Variants in OSBPL6 observed in about 807,000 individuals in gnomAD.
OSBPL6 encodes the protein oxysterol binding protein like 6, also known as oxysterol-binding protein-related protein 6.
Under a neutral mutation model 125.8 loss-of-function variants are expected in OSBPL6, and 49 were observed. That is an observed-to-expected ratio of 0.39 (90% confidence interval 0.31 to 0.49). The LOEUF is 0.49. Among genes scored for constraint, OSBPL6 ranks in the 20% least tolerant of loss-of-function variants. The pLI, the probability that OSBPL6 is intolerant of heterozygous loss-of-function variation, is 0.88. For synonymous variants in OSBPL6, 394 were observed against 391.8 expected, an observed-to-expected ratio of 1.01 and a Z score of -0.07; for missense variants, 986 against 1,135.4, an observed-to-expected ratio of 0.87 and a Z score of 1.89.
At chr2:178,303,953 G>A (rs1686521949) in intron 2 of OSBPL6, among the ~76,000 whole-genome samples, 1 of 152,064 alleles carries the variant, frequency 6.6e-6, no homozygotes, top group Admixed American at 6.6e-5. Context: ...ACGTCTCGAT[G>A]GCTTCTCATG....
chr2:178,314,074 G>T (rs889187975), intron 3 of OSBPL6, among the ~76,000 whole-genome samples: 1 of 152,200 alleles, frequency 6.6e-6, no homozygotes, highest in African/African-American at 2.4e-5. Context: ...ATTGGAATGT[G>T]TCTCCTCCGA....
At chr2:178,355,937 G>A (rs1357228122) in intron 12 of OSBPL6, among the ~76,000 whole-genome samples, 1 of 152,192 alleles carries the variant, frequency 6.6e-6, no homozygotes, top group Non-Finnish European at 1.5e-5. Context: ...TTCAACATAT[G>A]CAAATCAATA....
chr2:178,227,577 A>G (rs947938956), intron 1 of OSBPL6, among the ~76,000 whole-genome samples: 18 of 152,322 alleles, frequency 1.2e-4, no homozygotes, highest in African/African-American at 4.3e-4. Flanking sequence ...TGGTTGGATA[A>G]ACTGTGGTAT....
At chr2:178,311,978 C>CAAATTAAATTG (rs375194527) in intron 3 of OSBPL6, among the ~76,000 whole-genome samples, 1 of 152,046 alleles carries the variant, frequency 6.6e-6, no homozygotes, top group Non-Finnish European at 1.5e-5. Context: ...GAAATGGCGT[C>CAAATTAAATTG]AAATTAAATT....
chr2:178,337,949 C>CTTTTTTTTTTTTTTTTTTTTTTTTT (rs755944128), intron 9 of OSBPL6, among the ~76,000 whole-genome samples: 1 of 139,150 alleles, frequency 7.2e-6, no homozygotes. Context: ...TCAGTATTCT[C>CTTTTTTTTTTTTTTTTTTTTTTTTT]TTTTTTTTTT....
Position 178,200,871 on chromosome 2 carries a change from G to C in OSBPL6, c.-351+6197G>C, listed in dbSNP as rs143992106. Among the ~76,000 whole-genome samples the C allele has an allele frequency of 3.7e-3, 565 of 151,682 alleles. 7 individuals are homozygous for C. Among genetic ancestry groups the C allele is most frequent in the African/African-American group, 0.012 (512 of 41,328 alleles). On this transcript the variant is annotated intron_variant, in intron 1 of 24. Transcript: ENST00000190611. ...AGTGCAGTGGCGCGATCTCGGCTCA[G>C]TGCAAGCTCTGCCTCCCAGGTTCAC...
chr2:178,202,479 T>C (rs2089304593), intron 1 of OSBPL6, among the ~76,000 whole-genome samples: 1 of 152,234 alleles, frequency 6.6e-6, no homozygotes, highest in South Asian at 2.1e-4. Flanking sequence ...AGAAATCTAT[T>C]ATCCTTATCT....
chr2:178,383,930 A>C (rs1209295502), intron 17 of OSBPL6, 109 bp from the exon 18 acceptor site: 1 of 1,264,686 alleles, frequency 7.9e-7, no homozygotes, highest in African/African-American at 1.5e-5. Context: ...AACTGTCATC[A>C]AATCAACACC....
intron 2 of OSBPL6, among the ~76,000 whole-genome samples, chr2:178,291,303 C>T (rs1051853886): frequency 6.6e-5 from 10 of 152,124 alleles, no homozygotes; most frequent in African/African-American, 2.4e-4. Flanking sequence ...GCATCATACG[C>T]AGGTGTTCCA....
chr2:178,242,100 C>T (rs569024984), intron 1 of OSBPL6, among the ~76,000 whole-genome samples: 33 of 152,254 alleles, frequency 2.2e-4, no homozygotes, highest in African/African-American at 7.0e-4. Flanking sequence ...CAGAACATAT[C>T]CTTTTCACTA....
chr2:178,311,976 G>A lies in OSBPL6; in HGVS notation c.102+5690G>A, dbSNP rs138883918. On this transcript the variant is annotated intron_variant, in intron 3 of 24. Transcript: ENST00000190611. Reference sequence around the variant, plus strand: ...TTTTATTTAATTAAATTGAAATGGCGTCAAATTAAATTGAAATTAAATTGA... The same window carrying A: ...TTTTATTTAATTAAATTGAAATGGCATCAAATTAAATTGAAATTAAATTGA... Among the ~76,000 whole-genome samples, 1,145 of 152,170 alleles carry A rather than the reference G, an allele frequency of 7.5e-3. 12 individuals carry two copies. Among genetic ancestry groups the A allele is most frequent in the African/African-American group, 0.026 (1,072 of 41,518 alleles).
At chr2:178,354,917 TC>T (rs1691628235) in intron 12 of OSBPL6, among the ~76,000 whole-genome samples, 1 of 152,122 alleles carries the variant, frequency 6.6e-6, no homozygotes, top group South Asian at 2.1e-4. Context: ...AAATTAGAAC[TC>T]AGGATTAAGA....
chr2:178,401,924 C>T lies in OSBPL6; in HGVS notation c.*6365C>T, dbSNP rs948057117. ...TTTGTTTGTTTTTTTTCATGTGACA[C>T]TCAGTAGGAAAGTCTAGTTCAAGAA... is the stretch of plus-strand genomic sequence containing the variant. On this transcript the variant is annotated 3_prime_UTR_variant, in exon 25 of 25. Transcript: ENST00000190611. 4 of 152,110 alleles carry T rather than the reference C, an allele frequency of 2.6e-5. No homozygotes were observed. The highest frequency in any genetic ancestry group is 9.7e-5 in the African/African-American group (4 of 41,358). 9.4% of individuals were successfully genotyped at this position (152,110 alleles called of 1,614,324 possible).
chr2:178,303,969 G>A (rs1686522984), intron 2 of OSBPL6, among the ~76,000 whole-genome samples: 1 of 152,098 alleles, frequency 6.6e-6, no homozygotes, highest in Non-Finnish European at 1.5e-5. Context: ...TCATGCTTAT[G>A]ATAAAAATCA....
chr2:178,349,302 A>T lies in OSBPL6; in HGVS notation c.1066A>T (p.Thr356Ser), dbSNP rs371144463. 8 of 1,613,852 alleles carry T rather than the reference A, an allele frequency of 5.0e-6. No homozygotes were observed. Among genetic ancestry groups the T allele is most frequent in the Non-Finnish European group, 6.8e-6 (8 of 1,179,922 alleles). ...CCTTTGTGCAGATATTGAATTTCAG[A>T]CTCCCCCTAGCCACCTCACTGACCC... Reference protein sequence around the residue: ...PNLCADIEFQTPPSHLTDPLE... With the variant: ...PNLCADIEFQSPPSHLTDPLE... Residue 356 changes from threonine (T) to serine (S), a missense_variant, in exon 12 of 25, where the codon ACT (threonine) becomes TCT (serine). Physicochemically the swap from Thr to Ser is moderately conservative, Grantham distance 58. Transcript: ENST00000190611.
intron 15 of OSBPL6, among the ~76,000 whole-genome samples, chr2:178,380,317 A>C (rs1278087374): frequency 6.6e-6 from 1 of 151,514 alleles, no homozygotes; most frequent in East Asian, 1.9e-4. Flanking sequence ...AAGGCATGGG[A>C]GTGTGTGCGT....
At chr2:178,393,924 A>G (rs939032037) in intron 23 of OSBPL6, among the ~76,000 whole-genome samples, 1 of 152,164 alleles carries the variant, frequency 6.6e-6, no homozygotes, top group Non-Finnish European at 1.5e-5. Context: ...CTTTTAGCAA[A>G]AGCTTTCTGA....
rs773458335 is a variant in OSBPL6, at chr2:178,382,420, G to C, written c.1534G>C (p.Ala512Pro). The stretch of plus-strand genomic sequence containing the variant: ...CCTTGTATGTTCTTCCCTTCCTTAG[G>C]CTTCAGATGATGAGTCTTACATCAG... ...LLSASSSENEASDDESYISDV... is the reference protein window; with the variant it reads ...LLSASSSENEPSDDESYISDV... The change falls in exon 16 of 25, where the codon GCT becomes CCT. Residue 512 changes from alanine (A) to proline (P), a missense_variant and splice_region_variant. Around this residue, in one of 3 missense-constraint regions of OSBPL6, gnomAD observed 843 missense variants for 997.3 expected, o/e 0.85. Coordinates refer to ENST00000190611, the MANE Select transcript of OSBPL6 (RefSeq NM_032523.4). 2 of 1,598,300 alleles carry C rather than the reference G, an allele frequency of 1.3e-6. No individual in the cohort carries two copies. The highest frequency in any genetic ancestry group is 1.7e-6 in the Non-Finnish European group (2 of 1,170,938).
intron 1 of OSBPL6, among the ~76,000 whole-genome samples, chr2:178,242,211 T>A (rs2091320095): frequency 6.6e-6 from 1 of 152,222 alleles, no homozygotes; most frequent in African/African-American, 2.4e-5. Context: ...CACTTGGTGG[T>A]CTTAAACACT....
Sources: allele counts gnomAD v4.1 joint callset (sites outside exome capture counted in the v4.1 genomes callset), GRCh38; gene constraint gnomAD v4.1.1; regional missense constraint gnomAD v4.1.1; transcripts MANE v1.5; gene names NCBI Gene and HGNC (gene_info 2026-07-23, HGNC 2026-07-21).